CFAP418: variants seen among roughly 807,000 people sequenced by gnomAD.
The protein encoded by CFAP418 is cilia and flagella associated protein 418, also known as cilia- and flagella-associated protein 418.
CFAP418 carries 27 observed loss-of-function variants against 24.7 expected under a neutral mutation model. The ratio of observed to expected loss-of-function variants is 1.09; its 90% CI spans 0.81 to 1.51. The LOEUF is 1.51. Ranked by LOEUF, CFAP418 falls within the 40% of genes most tolerant of loss-of-function variation. The probability of loss-of-function intolerance (pLI) is 0.00; values close to 1 mark genes in which losing one functional copy is unlikely to be tolerated. For synonymous variants in CFAP418, 74 were observed against 87.3 expected, an observed-to-expected ratio of 0.85 and a Z score of 0.85; for missense variants, 257 against 255.2, an observed-to-expected ratio of 1.01 and a Z score of -0.05.
rs1426020103 is a variant in CFAP418, at chr8:95,245,910, T to C, written c.*1707A>G. On this transcript the variant is annotated 3_prime_UTR_variant, in exon 6 of 6. Coordinates refer to ENST00000286688, the MANE Select transcript of CFAP418 (RefSeq NM_177965.4). ...CAGTCGACTTCAATCGACATCCCCC[T>C]AGGTTTCTGACTCAATTACATATAG... 1 of 152,182 alleles carries C rather than the reference T, an allele frequency of 6.6e-6. No individual in the cohort carries two copies. The highest frequency in any genetic ancestry group is 6.5e-5 in the Admixed American group (1 of 15,282). 9.4% of individuals were successfully genotyped at this position (152,182 alleles called of 1,614,324 possible). A position where few individuals can be genotyped will look rare whatever the true frequency, so the allele number is the denominator to read the frequency against.
intron 1 of CFAP418, 62 bp from the exon 2 acceptor site, chr8:95,263,836 T>C: frequency 1.0e-6 from 1 of 965,268 alleles, no homozygotes. Flanking sequence ...AAAGCTAGTA[T>C]CAGAAGAGTT....
chr8:95,252,339 T>C, intron 4 of CFAP418, 56 bp from the exon 5 acceptor site: 4 of 1,135,310 alleles, frequency 3.5e-6, no homozygotes, highest in South Asian at 2.7e-5. Flanking sequence ...TAAATACCAA[T>C]GAAAACATGG....
chr8:95,247,400 A>C lies in CFAP418; in HGVS notation c.*217T>G, dbSNP rs991317058. 4.2e-5 allele frequency: 23 copies of C among 542,558 alleles called. No homozygotes were observed. The highest frequency in any genetic ancestry group is 3.5e-4 in the African/African-American group (18 of 51,638). The allele number at this position is 542,558 out of a possible 1,614,324, so 33.6% of individuals were successfully genotyped here. ...TAAAGAATGTAGATGCCTGTTACTA[A>C]GTGAAACATCCATGTATCAGGAATA... is the stretch of plus-strand genomic sequence containing the variant. On this transcript the variant is annotated 3_prime_UTR_variant, in exon 6 of 6. Transcript: ENST00000286688.
intron 5 of CFAP418, among the ~76,000 whole-genome samples, chr8:95,249,961 C>A (rs1342999837): frequency 6.6e-6 from 1 of 152,196 alleles, no homozygotes; most frequent in African/African-American, 2.4e-5. Context: ...AGAGGTCTTC[C>A]TTTTCCTATC....
At chr8:95,268,953 TTTGGG>T (rs1453074024) in intron 1 of CFAP418, 77 bp downstream of exon 1, 11 of 1,472,836 alleles carry the variant, frequency 7.5e-6, no homozygotes, top group Admixed American at 2.1e-5. Context: ...GCACGTTTCT[TTTGGG>T]TTGGGCGGCG....
intron 5 of CFAP418, among the ~76,000 whole-genome samples, chr8:95,248,921 G>A (rs78110913): frequency 0.011 from 1,693 of 152,136 alleles, 36 homozygotes; most frequent in African/African-American, 0.039. Context: ...TAAACTGTAC[G>A]AAATTCAGGC....
chr8:95,251,533 C>A (rs1460297854), intron 5 of CFAP418, among the ~76,000 whole-genome samples: 1 of 152,212 alleles, frequency 6.6e-6, no homozygotes, highest in East Asian at 1.9e-4. Flanking sequence ...GGACATTATT[C>A]TGTAAGTGGA....
At chr8:95,260,440 A>G in intron 3 of CFAP418, 28 bp downstream of exon 3, 1 of 1,518,158 alleles carries the variant, frequency 6.6e-7, no homozygotes, top group Non-Finnish European at 9.0e-7. Context: ...AATAGTGTGT[A>G]TAATTCACCA....
intron 5 of CFAP418, among the ~76,000 whole-genome samples, chr8:95,251,309 T>C (rs1811703592): frequency 6.6e-6 from 1 of 152,304 alleles, no homozygotes; most frequent in South Asian, 2.1e-4. Flanking sequence ...AATTATACTC[T>C]GAAGGACAGG....
chr8:95,266,037 T>C (rs1416242341), intron 1 of CFAP418, among the ~76,000 whole-genome samples: 2 of 152,208 alleles, frequency 1.3e-5, no homozygotes, highest in Non-Finnish European at 2.9e-5. Flanking sequence ...AGGTATTATA[T>C]AGAAAGCTTA....
At chr8:95,266,489 T>G (rs920394006) in intron 1 of CFAP418, among the ~76,000 whole-genome samples, 1 of 152,192 alleles carries the variant, frequency 6.6e-6, no homozygotes, top group African/African-American at 2.4e-5. Context: ...TTTTAAGAGG[T>G]AATATTAGTA....
Position 95,259,864 on chromosome 8 carries a change from C to CCA in CFAP418, c.348_349dup (p.Gly117ValfsTer18). On this transcript the variant is annotated frameshift_variant, in exon 4 of 6. Transcript: ENST00000286688. LOFTEE classifies it high-confidence loss of function. The stretch of plus-strand genomic sequence containing the variant: ...CCTCCATGAAATATTTGTTCCAATC[C>CCA]CACATGGAATAGAGCTTCCACCAAG... The CCA allele has an allele frequency of 6.2e-7, 1 of 1,609,004 alleles. No homozygotes were observed. Among genetic ancestry groups the CCA allele is most frequent in the Non-Finnish European group, 8.5e-7 (1 of 1,178,526 alleles).
At chr8:95,259,981 A>G (rs1211248248) in intron 3 of CFAP418, 76 bp from the exon 4 acceptor site, 1 of 1,333,034 alleles carries the variant, frequency 7.5e-7, no homozygotes, top group Admixed American at 2.5e-5. Flanking sequence ...CATGTTAAAA[A>G]AATTTTTGGT....
At chr8:95,252,592 G>A (rs887945034) in intron 4 of CFAP418, among the ~76,000 whole-genome samples, 6 of 152,098 alleles carry the variant, frequency 3.9e-5, no homozygotes, top group African/African-American at 9.7e-5. Flanking sequence ...TTCAAATTAC[G>A]TCTGAGGGAG....
rs1330460929 is a variant in CFAP418, at chr8:95,246,622, G to A, written c.*995C>T. The A allele has an allele frequency of 6.6e-6, 1 of 152,098 alleles. No homozygotes were observed. The highest frequency in any genetic ancestry group is 1.5e-5 in the Non-Finnish European group (1 of 68,028). The allele number at this position is 152,098 out of a possible 1,614,324, so 9.4% of individuals were successfully genotyped here. On this transcript the variant is annotated 3_prime_UTR_variant, in exon 6 of 6. Coordinates refer to ENST00000286688, the MANE Select transcript of CFAP418 (RefSeq NM_177965.4). ...TGGGGTTGGGAGCTAGAAATTTTGA[G>A]GGACCTGATTTCCTGAATGTGCTGC...
Position 95,269,153 on chromosome 8 carries a change from C to G in CFAP418, c.37G>C (p.Glu13Gln). 1 of 1,614,226 alleles carries G rather than the reference C, an allele frequency of 6.2e-7. No individual in the cohort carries two copies. Among genetic ancestry groups the G allele is most frequent in the Non-Finnish European group, 8.5e-7 (1 of 1,180,034 alleles). Residue 13 changes from glutamate (E) to glutamine (Q), a missense_variant, in exon 1 of 6, where the codon GAG (glutamate) becomes CAG (glutamine). By Grantham distance (29) the Glu-to-Gln change is conservative (BLOSUM62 2). Coordinates refer to ENST00000286688, the MANE Select transcript of CFAP418 (RefSeq NM_177965.4). ...EDLDELLDEVESKFCTPDLLR... is the reference protein window; with the variant it reads ...EDLDELLDEVQSKFCTPDLLR... ...AGGTCAGGTGTGCAAAACTTGGACT[C>G]GACTTCATCCAAGAGCTCGTCCAGG...
chr8:95,247,374 GT>G lies in CFAP418; in HGVS notation c.*242del. The G allele has an allele frequency of 2.0e-6, 1 of 494,984 alleles. No homozygotes were observed. Among genetic ancestry groups the G allele is most frequent in the East Asian group, 3.5e-5 (1 of 28,402 alleles). The allele number at this position is 494,984 out of a possible 1,614,324, so 30.7% of individuals were successfully genotyped here. A position where few individuals can be genotyped will look rare whatever the true frequency, so the allele number is the denominator to read the frequency against. On this transcript the variant is annotated 3_prime_UTR_variant, in exon 6 of 6. Transcript: ENST00000286688. ...CCTCTATTAAACAGAAGACAGATTA[GT>G]AAAGAATGTAGATGCCTGTTACTAA...
intron 5 of CFAP418, among the ~76,000 whole-genome samples, chr8:95,251,947 C>A (rs963650761): frequency 6.6e-6 from 1 of 152,086 alleles, no homozygotes; most frequent in African/African-American, 2.4e-5. Context: ...TATAATATTA[C>A]AAAGGCTATG....
At chr8:95,266,512 T>A (rs1811982639) in intron 1 of CFAP418, among the ~76,000 whole-genome samples, 1 of 152,226 alleles carries the variant, frequency 6.6e-6, no homozygotes, top group African/African-American at 2.4e-5. Context: ...TTAACTCTTA[T>A]AAGAGATACA....
Sources: allele counts gnomAD v4.1 joint callset (sites outside exome capture counted in the v4.1 genomes callset), GRCh38; gene constraint gnomAD v4.1.1; transcripts MANE v1.5; gene names NCBI Gene and HGNC (gene_info 2026-07-23, HGNC 2026-07-21).